The following KLF8 variants were observed in gnomAD, a reference collection of about 807,000 sequenced individuals.
KLF8 encodes KLF transcription factor 8.
A neutral mutation model predicts 18.2 loss-of-function variants in KLF8; 10 were observed. That is an observed-to-expected ratio of 0.55 (90% CI 0.34 to 0.93). The LOEUF (loss-of-function observed/expected upper bound fraction) is 0.93, where lower values mean the gene tolerates loss of function less well. Ranked by LOEUF, KLF8 falls within the 40% of genes least tolerant of loss-of-function variation. The pLI is 0.02. For synonymous variants in KLF8, 109 were observed against 97.3 expected (o/e 1.12, Z -0.71); for missense variants, 264 against 277.9 (o/e 0.95, Z 0.36).
the KLF8 span, among the ~76,000 whole-genome samples, chrX:56,140,797 T>TAAAAAAAAAAAAAAAA: frequency 2.3e-5 from 1 of 43,912 alleles, no homozygotes; most frequent in Admixed American, 3.0e-4. Flanking sequence ...GCCCCTCCAG[T>TAAAAAAAAAAAAAAAA]AAAAAAAAAA....
the KLF8 span, among the ~76,000 whole-genome samples, chrX:56,021,033 A>G: frequency 8.9e-6 from 1 of 112,457 alleles, no homozygotes; most frequent in Non-Finnish European, 1.9e-5. Context: ...CAGCATACAT[A>G]TGAAAGAGTA....
the KLF8 span, among the ~76,000 whole-genome samples, chrX:56,157,885 T>C: frequency 1.8e-5 from 2 of 111,776 alleles, no homozygotes; most frequent in Non-Finnish European, 3.8e-5. Context: ...GCAGAAGCTC[T>C]TGAGTTTAAT....
chrX:55,973,618 G>T, the KLF8 span, among the ~76,000 whole-genome samples: 1 of 112,025 alleles, frequency 8.9e-6, no homozygotes, highest in Admixed American at 9.4e-5. Context: ...GATTATTAGA[G>T]AAATAAAAAT....
the KLF8 span, among the ~76,000 whole-genome samples, chrX:56,017,280 AG>A: frequency 8.9e-6 from 1 of 112,347 alleles, no homozygotes; most frequent in African/African-American, 3.2e-5. Context: ...GTATGCTGAG[AG>A]GGTGGCCTAA....
At chrX:56,106,628 G>T in the KLF8 span, among the ~76,000 whole-genome samples, 3 of 111,687 alleles carry the variant, frequency 2.7e-5, no homozygotes, top group Admixed American at 9.5e-5. Context: ...TTATTTCAAG[G>T]TTTTTAGCTT....
chrX:56,265,202 G>A lies in KLF8; in HGVS notation c.104G>A (p.Arg35Lys). The change falls in exon 3 of 6, where the codon AGA becomes AAA. Residue 35 changes from arginine (R) to lysine (K), a missense_variant. By Grantham distance (26) the Arg-to-Lys change is conservative. This residue lies in a region of KLF8 where 221 missense variants were observed against 193.6 expected (regional missense o/e 1.14). Transcript: ENST00000468660. Reference sequence around the variant, plus strand: ...AAGGTCACTGCTTCTGTTCGGAACAGAGATCCCCCTGAGATAGAATACAGA... The same window carrying A: ...AAGGTCACTGCTTCTGTTCGGAACAAAGATCCCCCTGAGATAGAATACAGA... ...FKQVTASVRN[R>K]DPPEIEYRSN... 1 of 1,203,946 alleles carries A rather than the reference G, an allele frequency of 8.3e-7. No homozygotes were observed. The highest frequency in any genetic ancestry group is 1.1e-6 in the Non-Finnish European group (1 of 890,603).
At chrX:56,084,132 G>T in the KLF8 span, among the ~76,000 whole-genome samples, 2 of 111,703 alleles carry the variant, frequency 1.8e-5, no homozygotes, top group South Asian at 3.7e-4. Context: ...TGTAATCCTA[G>T]CACTTTGGAA....
intron 2 of KLF8, among the ~76,000 whole-genome samples, chrX:56,251,135 G>T (rs941705822): frequency 3.6e-5 from 4 of 112,354 alleles, no homozygotes; most frequent in African/African-American, 1.3e-4. Context: ...TTCCCCATTT[G>T]ATGGAAAATA....
intron 1 of KLF8, among the ~76,000 whole-genome samples, chrX:56,244,730 CT>C (rs2066600100): frequency 8.9e-6 from 1 of 112,200 alleles, no homozygotes. Flanking sequence ...CTTAATTCCT[CT>C]GGAAGATGTG....
At chrX:56,034,758 T>C in the KLF8 span, among the ~76,000 whole-genome samples, 1 of 80,320 alleles carries the variant, frequency 1.2e-5, no homozygotes, top group Non-Finnish European at 2.5e-5. Flanking sequence ...CTTTTTTTTT[T>C]TTTTTTTTTT....
At chrX:56,168,263 A>G in the KLF8 span, among the ~76,000 whole-genome samples, 1 of 112,160 alleles carries the variant, frequency 8.9e-6, no homozygotes, top group Non-Finnish European at 1.9e-5. Context: ...ACACACTAAC[A>G]ATGAACTATC....
the KLF8 span, among the ~76,000 whole-genome samples, chrX:56,050,411 A>G: frequency 4.1e-4 from 46 of 112,222 alleles, no homozygotes; most frequent in Non-Finnish European, 7.3e-4. Flanking sequence ...ATTTAGTGCT[A>G]TAAATTTCCC....
At chrX:56,027,915 G>A in the KLF8 span, among the ~76,000 whole-genome samples, 1 of 112,410 alleles carries the variant, frequency 8.9e-6, no homozygotes, top group African/African-American at 3.2e-5. Context: ...GTGTCCTTTG[G>A]TATTCATTAA....
At chrX:56,200,757 C>T in the KLF8 span, among the ~76,000 whole-genome samples, 1 of 111,159 alleles carries the variant, frequency 9.0e-6, no homozygotes, top group Non-Finnish European at 1.9e-5. Context: ...ATGCCTACAA[C>T]TCAACAGCAA....
the KLF8 span, among the ~76,000 whole-genome samples, chrX:55,960,455 C>T: frequency 1.5e-4 from 17 of 110,998 alleles, no homozygotes; most frequent in African/African-American, 4.6e-4. Context: ...GCAGAGGTTG[C>T]GGTGAGCCAA....
the KLF8 span, among the ~76,000 whole-genome samples, chrX:56,221,041 ATAATT>A: frequency 8.9e-6 from 1 of 112,172 alleles, no homozygotes; most frequent in African/African-American, 3.2e-5. Flanking sequence ...TCTCGGCAAA[ATAATT>A]TAAGTTAAAT....
the KLF8 span, among the ~76,000 whole-genome samples, chrX:55,980,597 A>G: frequency 2.7e-5 from 3 of 111,706 alleles, no homozygotes; most frequent in Non-Finnish European, 5.6e-5. Context: ...TTCACCGTGC[A>G]TAATTTGATG....
the KLF8 span, among the ~76,000 whole-genome samples, chrX:56,184,159 A>G: frequency 1.8e-5 from 2 of 111,924 alleles, no homozygotes; most frequent in African/African-American, 6.5e-5. Context: ...AAATCGGGTC[A>G]CTCCCACCCT....
chrX:55,953,901 A>T, the KLF8 span, among the ~76,000 whole-genome samples: 1 of 109,474 alleles, frequency 9.1e-6, no homozygotes, highest in Non-Finnish European at 1.9e-5. Flanking sequence ...TAGATAGAAC[A>T]CCAAAAGTAC....
Sources: gnomAD v4.1 joint callset for allele counts (sites outside exome capture counted in the v4.1 genomes callset) on GRCh38, gnomAD v4.1.1 for gene constraint, gnomAD v4.1.1 regional missense constraint, MANE v1.5 for transcripts, NCBI Gene and HGNC (gene_info 2026-07-23, HGNC 2026-07-21) for gene names.